The following SPOCK3 variants were observed in gnomAD, a reference collection of about 807,000 sequenced individuals.
The protein encoded by SPOCK3 is SPARC (osteonectin), cwcv and kazal like domains proteoglycan 3, also known as testican-3.
A neutral mutation model predicts 56.6 loss-of-function variants in SPOCK3; 30 were observed. That is an observed-to-expected ratio of 0.53 (90% confidence interval 0.40 to 0.72). SPOCK3 has a LOEUF of 0.72. Among genes scored for constraint, SPOCK3 ranks in the 30% least tolerant of loss-of-function variants. SPOCK3 has a pLI of 0.00. For synonymous variants in SPOCK3, 196 were observed against 183.3 expected, an observed-to-expected ratio of 1.07 and a Z score of -0.56; for missense variants, 527 against 530.0, an observed-to-expected ratio of 0.99 and a Z score of 0.06.
chr4:167,015,123 C>A (rs1351006673), intron 3 of SPOCK3, among the ~76,000 whole-genome samples: 1 of 152,000 alleles, frequency 6.6e-6, no homozygotes, highest in Non-Finnish European at 1.5e-5. Flanking sequence ...ACAGAGGGTG[C>A]TCCTCTAGAA....
chr4:166,963,831 T>C (rs1476963895), intron 4 of SPOCK3, among the ~76,000 whole-genome samples: 2 of 151,888 alleles, frequency 1.3e-5, no homozygotes, highest in African/African-American at 4.8e-5. Flanking sequence ...CTCCTGACTT[T>C]CAAAAGCATA....
intron 4 of SPOCK3, among the ~76,000 whole-genome samples, chr4:166,951,753 C>T (rs1286028950): frequency 7.0e-6 from 1 of 143,460 alleles, no homozygotes; most frequent in African/African-American, 2.8e-5. Context: ...TGGGCTTCAT[C>T]CCTGGGATGC....
intron 8 of SPOCK3, among the ~76,000 whole-genome samples, 175 bp from the exon 9 acceptor site, chr4:166,742,234 CATCTATCTATCTATCTATCT>C (rs3077121): frequency 1.6e-5 from 2 of 121,878 alleles, no homozygotes; most frequent in Admixed American, 7.7e-5. Flanking sequence ...GTCTATCTAT[CATCTATCTATCTATCTATCT>C]ATCTATCTAT....
intron 2 of SPOCK3, among the ~76,000 whole-genome samples, chr4:167,074,100 T>G (rs1756952986): frequency 6.6e-6 from 1 of 151,408 alleles, no homozygotes; most frequent in South Asian, 2.1e-4. Flanking sequence ...AAAACAGAAT[T>G]ATAATAATCA....
intron 8 of SPOCK3, among the ~76,000 whole-genome samples, chr4:166,749,059 C>G (rs1736019626): frequency 7.3e-6 from 1 of 137,272 alleles, no homozygotes; most frequent in Non-Finnish European, 1.5e-5. Flanking sequence ...CTAGTTCAAC[C>G]ATTGTGGAAG....
At chr4:167,142,496 C>T (rs1763619231) in intron 2 of SPOCK3, among the ~76,000 whole-genome samples, 1 of 151,770 alleles carries the variant, frequency 6.6e-6, no homozygotes, top group South Asian at 2.1e-4. Flanking sequence ...AATATACTGA[C>T]AAAGAATGTC....
chr4:167,060,321 A>C (rs1035530450), intron 3 of SPOCK3, among the ~76,000 whole-genome samples: 11 of 151,744 alleles, frequency 7.2e-5, no homozygotes, highest in Non-Finnish European at 1.0e-4. Flanking sequence ...AACAAACAAA[A>C]AAGAAAATAA....
At position 166,797,169 on chromosome 4, in the gene SPOCK3, T is replaced by C. The variant is rs1321041646; in HGVS notation, c.590-4880A>G. On this transcript the variant is annotated intron_variant, in intron 6 of 10. Coordinates refer to ENST00000357545, the MANE Select transcript of SPOCK3 (RefSeq NM_001040159.2). ...AATTAACTCTATTTTTATACCTCAC[T>C]GGGACAGGTACAAAAGGGAATTAAT... 2.0e-5 allele frequency among the ~76,000 whole-genome samples: 3 copies of C among 151,566 alleles called. No homozygotes were observed. In the East Asian group the frequency reaches 5.8e-4, roughly 29 times the overall value.
At chr4:167,227,647 GAA>G (rs1045040194) in intron 2 of SPOCK3, among the ~76,000 whole-genome samples, 1 of 151,846 alleles carries the variant, frequency 6.6e-6, no homozygotes, top group Non-Finnish European at 1.5e-5. Context: ...TTTCATAAAT[GAA>G]AAAAGACATA....
chr4:166,888,300 G>T (rs1734412847), intron 6 of SPOCK3, among the ~76,000 whole-genome samples: 1 of 151,846 alleles, frequency 6.6e-6, no homozygotes, highest in South Asian at 2.1e-4. Context: ...ACACTAATAA[G>T]GGCATCCAAT....
chr4:166,985,145 G>T (rs1349379532), intron 4 of SPOCK3, among the ~76,000 whole-genome samples: 15 of 152,132 alleles, frequency 9.9e-5, no homozygotes, highest in Admixed American at 9.2e-4. Context: ...AGTTGGGAAA[G>T]AAATTGACTT....
At chr4:166,917,066 G>T (rs1239635483) in intron 4 of SPOCK3, among the ~76,000 whole-genome samples, 1 of 152,110 alleles carries the variant, frequency 6.6e-6, no homozygotes, top group Admixed American at 6.6e-5. Context: ...CCAGTCATAT[G>T]ATAACCAATG....
At chr4:166,807,167 G>A (rs1435337689) in intron 6 of SPOCK3, among the ~76,000 whole-genome samples, 1 of 152,012 alleles carries the variant, frequency 6.6e-6, no homozygotes, top group African/African-American at 2.4e-5. Context: ...GACCAAGAAT[G>A]TATACTTTGT....
At chr4:166,947,143 T>G (rs977673822) in intron 4 of SPOCK3, among the ~76,000 whole-genome samples, 3 of 152,312 alleles carry the variant, frequency 2.0e-5, no homozygotes, top group Admixed American at 6.5e-5. Context: ...TTTGTGCTTC[T>G]GAAATAACAA....
At chr4:167,155,649 G>A (rs1764753069) in intron 2 of SPOCK3, among the ~76,000 whole-genome samples, 1 of 152,086 alleles carries the variant, frequency 6.6e-6, no homozygotes, top group Admixed American at 6.6e-5. Context: ...TGAAATCACT[G>A]GGCAGAGAGT....
intron 6 of SPOCK3, among the ~76,000 whole-genome samples, chr4:166,822,889 A>T (rs1396538718): frequency 6.6e-6 from 1 of 152,028 alleles, no homozygotes; most frequent in African/African-American, 2.4e-5. Flanking sequence ...TTAAAAAGTG[A>T]GAGAAGCTCA....
chr4:166,982,547 G>A (rs190417589), intron 4 of SPOCK3, among the ~76,000 whole-genome samples: 177 of 152,074 alleles, frequency 1.2e-3, no homozygotes, highest in Non-Finnish European at 1.5e-3. Context: ...GCGAGACTCC[G>A]TCTCAGAAAT....
At chr4:166,902,523 G>A (rs1042295571) in intron 5 of SPOCK3, among the ~76,000 whole-genome samples, 1 of 151,534 alleles carries the variant, frequency 6.6e-6, no homozygotes, top group Non-Finnish European at 1.5e-5. Flanking sequence ...CTACTCTATA[G>A]TCTATATATT....
intron 3 of SPOCK3, among the ~76,000 whole-genome samples, chr4:167,003,875 C>T (rs985921717): frequency 5.9e-5 from 9 of 152,288 alleles, no homozygotes; most frequent in South Asian, 2.1e-4. Flanking sequence ...TCATTACATT[C>T]GCAGTGTAGG....
Sources: gnomAD v4.1 joint callset for allele counts (sites outside exome capture counted in the v4.1 genomes callset) on GRCh38, gnomAD v4.1.1 for gene constraint, MANE v1.5 for transcripts, NCBI Gene and HGNC (gene_info 2026-07-23, HGNC 2026-07-21) for gene names.